Variants in ECI2 observed in about 807,000 individuals in gnomAD.
The protein encoded by ECI2 is D3,D2-enoyl-CoA isomerase.
A neutral mutation model predicts 38.4 loss-of-function variants in ECI2; 27 were observed. The observed-to-expected ratio is 0.70, with a 90% CI of 0.52 to 0.97. The LOEUF (loss-of-function observed/expected upper bound fraction) is 0.97, where lower values mean the gene tolerates loss of function less well. ECI2 is among the 50% of genes least tolerant of loss of function. ECI2 has a pLI of 0.00. For synonymous variants in ECI2, 168 were observed against 172.0 expected, an observed-to-expected ratio of 0.98 and a Z score of 0.18; for missense variants, 470 against 474.4, an observed-to-expected ratio of 0.99 and a Z score of 0.09.
chr6:4,121,693 G>GT (rs3838251), intron 7 of ECI2, among the ~76,000 whole-genome samples: 481 of 139,170 alleles, frequency 3.5e-3, no homozygotes, highest in African/African-American at 4.2e-3. Context: ...GTCATTTTTA[G>GT]TTTTTTTTTT....
chr6:4,134,664 C>T (rs893512613), intron 1 of ECI2, among the ~76,000 whole-genome samples: 1 of 152,156 alleles, frequency 6.6e-6, no homozygotes, highest in African/African-American at 2.4e-5. Flanking sequence ...CTATTAGTAA[C>T]TGATTCAGTA....
chr6:4,124,571 C>T (rs1365411696), intron 7 of ECI2, among the ~76,000 whole-genome samples: 1 of 152,058 alleles, frequency 6.6e-6, no homozygotes, highest in African/African-American at 2.4e-5. Flanking sequence ...ACTGGTTAAA[C>T]AAGATAAGTT....
chr6:4,126,923 G>A (rs920713841), intron 5 of ECI2, among the ~76,000 whole-genome samples: 1 of 152,070 alleles, frequency 6.6e-6, no homozygotes, highest in Admixed American at 6.6e-5. Flanking sequence ...ACAAGATACA[G>A]AACATCTCCA....
At chr6:4,118,959 T>C (rs568136437) in intron 8 of ECI2, 34 of 392,642 alleles carry the variant, frequency 8.7e-5, no homozygotes, top group African/African-American at 6.2e-4. Flanking sequence ...AAGAGGAGGA[T>C]CCCAGTTCTG....
At chr6:4,123,779 C>A (rs893474396) in intron 7 of ECI2, among the ~76,000 whole-genome samples, 3 of 151,616 alleles carry the variant, frequency 2.0e-5, no homozygotes, top group Non-Finnish European at 2.9e-5. Context: ...CCAGCCTGGC[C>A]GACACAGTGA....
In ECI2 at chr6:4,130,571, G is replaced by T. The variant is rs371732625; in HGVS notation, c.313-11C>A. Reference sequence around the variant, plus strand: ...CTGCCTGGCAGCTTCCTGAACGGACGATGACAAACAACCTCAGCCCATGGT... The same window carrying T: ...CTGCCTGGCAGCTTCCTGAACGGACTATGACAAACAACCTCAGCCCATGGT... On this transcript the variant is annotated splice_polypyrimidine_tract_variant and intron_variant, in intron 3 of 9. Coordinates refer to ENST00000380118, the MANE Select transcript of ECI2 (RefSeq NM_206836.3). 1.9e-6 allele frequency: 3 copies of T among 1,614,010 alleles called. No homozygotes were observed. The highest frequency in any genetic ancestry group is 2.2e-5 in the East Asian group (1 of 44,898).
In ECI2 at chr6:4,128,886, G is replaced by A. The variant is rs141873093; in HGVS notation, c.502-1055C>T. 8.1e-4 allele frequency among the ~76,000 whole-genome samples: 124 copies of A among 152,230 alleles called. 1 individual carries two copies. Among genetic ancestry groups the A allele is most frequent in the Middle Eastern group, 3.4e-3 (1 of 294 alleles). The stretch of plus-strand genomic sequence containing the variant: ...GGAGGTCCTGGAACCAATCCCCATC[G>A]GATACCAAGGGATGACTGTACATGA... On this transcript the variant is annotated intron_variant, in intron 4 of 9. Coordinates refer to ENST00000380118, the MANE Select transcript of ECI2 (RefSeq NM_206836.3).
At position 4,117,298 on chromosome 6, in the gene ECI2, G is replaced by A. The variant is rs1020574623; in HGVS notation, c.1029+10C>T. ...TTCAAGGTTCTTAGAAGTAAAAGATGAATACTAACATTTGGGGGAAGCTTT... is the reference window on the plus strand; with the variant it reads ...TTCAAGGTTCTTAGAAGTAAAAGATAAATACTAACATTTGGGGGAAGCTTT... On this transcript the variant is annotated intron_variant, in intron 9 of 9. Transcript: ENST00000380118. 1 of 1,580,922 alleles carries A rather than the reference G, an allele frequency of 6.3e-7. No individual in the cohort carries two copies. Among genetic ancestry groups the A allele is most frequent in the Non-Finnish European group, 8.6e-7 (1 of 1,169,332 alleles).
rs765910773 is a variant in ECI2, at chr6:4,133,699, G to A, written c.63C>T (p.Val21=). Residue 21 remains valine, a synonymous_variant, in exon 2 of 10, where the codon GTC becomes GTT. Transcript: ENST00000380118. ...GCAGCTGAACTACCGGGAAACTAGT[G>A]ACCTGCAGAGAACTACAATTAGGCA... ...ARRSCPSSLQ[V]TSFPVVQLHM... The A allele has an allele frequency of 6.2e-7, 1 of 1,607,608 alleles. No homozygotes were observed. Among genetic ancestry groups the A allele is most frequent in the South Asian group, 1.1e-5 (1 of 89,454 alleles).
chr6:4,135,479 C>A (rs779902741), intron 1 of ECI2, 32 bp downstream of exon 1: 1 of 1,611,464 alleles, frequency 6.2e-7, no homozygotes, highest in Non-Finnish European at 8.5e-7. Flanking sequence ...TGCGGGCGAC[C>A]ATGGGCCGAA....
intron 3 of ECI2, 30 bp from the exon 4 acceptor site, chr6:4,130,590 C>T (rs1347090625): frequency 3.1e-6 from 5 of 1,614,056 alleles, no homozygotes; most frequent in South Asian, 1.1e-5. Context: ...CAACCTCAGC[C>T]CATGGTCAAT....
rs1773471628 is a variant in ECI2 at position 4,130,822 on chromosome 6, T to G, written c.257A>C (p.Asp86Ala). The change falls in exon 3 of 10, where the codon GAC (aspartate) becomes GCC (alanine). Residue 86 changes from aspartate (D) to alanine (A), a missense_variant. Transcript: ENST00000380118. ...PCNMPKPGVF[D>A]LINKAKWDAW... ...GTCCCATTTGGCCTTGTTGATCAAG[T>G]CAAATACACCTGGTTTGGGCATGTT... is the stretch of plus-strand genomic sequence containing the variant. 1 of 1,614,166 alleles carries G rather than the reference T, an allele frequency of 6.2e-7. No individual in the cohort carries two copies. The highest frequency in any genetic ancestry group is 1.3e-5 in the African/African-American group (1 of 75,040).
chr6:4,130,026 A>G (rs777425346), intron 4 of ECI2: 28 of 1,203,522 alleles, frequency 2.3e-5, no homozygotes, highest in Non-Finnish European at 3.3e-5. Context: ...TTCATGTCTA[A>G]GTGACATGAA....
chr6:4,122,424 T>C (rs545545567), intron 7 of ECI2, among the ~76,000 whole-genome samples: 1 of 152,280 alleles, frequency 6.6e-6, no homozygotes, highest in Admixed American at 6.5e-5. Flanking sequence ...CTTCACCATG[T>C]TGGCCAGGCT....
Position 4,122,144 on chromosome 6 carries a change from C to T in ECI2, c.796-2869G>A, listed in dbSNP as rs9503923. 5.8e-3 allele frequency: 3,486 copies of T among 596,438 alleles called. 108 individuals are homozygous for T. In the African/African-American group the frequency reaches 0.06, roughly 10 times the overall value. 36.9% of individuals were successfully genotyped at this position (596,438 alleles called of 1,614,324 possible). A position where few individuals can be genotyped will look rare whatever the true frequency, so the allele number is the denominator to read the frequency against. Reference sequence around the variant, plus strand: ...GGGTTTAGGCTCTGGCGTCAGACTACTTAGGGACGTTGGGAAAGTTTCTTA... The same window carrying T: ...GGGTTTAGGCTCTGGCGTCAGACTATTTAGGGACGTTGGGAAAGTTTCTTA... On this transcript the variant is annotated intron_variant, in intron 7 of 9. Coordinates refer to ENST00000380118, the MANE Select transcript of ECI2 (RefSeq NM_206836.3).
At chr6:4,123,239 C>T (rs753629879) in intron 7 of ECI2, among the ~76,000 whole-genome samples, 5 of 151,754 alleles carry the variant, frequency 3.3e-5, no homozygotes, top group Non-Finnish European at 5.9e-5. Context: ...TGCAGTGGTA[C>T]GATCTCGGCT....
At chr6:4,119,365 G>C (rs1772519548) in intron 7 of ECI2, 90 bp from the exon 8 acceptor site, 3 of 1,036,840 alleles carry the variant, frequency 2.9e-6, no homozygotes, top group Non-Finnish European at 2.8e-6. Flanking sequence ...CTTTTGCCCA[G>C]GCTGCAGTGA....
intron 7 of ECI2, among the ~76,000 whole-genome samples, chr6:4,121,406 T>G (rs1380374818): frequency 6.6e-6 from 1 of 152,230 alleles, no homozygotes; most frequent in African/African-American, 2.4e-5. Context: ...GCTTATCTTT[T>G]CATTTTCTCA....
In ECI2 at chr6:4,133,916, CT is replaced by C. The variant is rs1773609499; in HGVS notation, c.51-206del. The C allele has an allele frequency of 8.3e-6, 4 of 482,230 alleles. No homozygotes were observed. The East Asian group carries it at 1.5e-4, about 18-fold the overall frequency. The allele number at this position is 482,230 out of a possible 1,614,324, so 29.9% of individuals were successfully genotyped here. A position where few individuals can be genotyped will look rare whatever the true frequency, so the allele number is the denominator to read the frequency against. ...TCAATACAGAAGCTAACAGTAGTAA[CT>C]TTAAATAAAAGGAAAAGTAACCATC... On this transcript the variant is annotated intron_variant, in intron 1 of 9. Coordinates refer to ENST00000380118, the MANE Select transcript of ECI2 (RefSeq NM_206836.3).
Sources: allele counts gnomAD v4.1 joint callset (sites outside exome capture counted in the v4.1 genomes callset), GRCh38; gene constraint gnomAD v4.1.1; transcripts MANE v1.5; gene names NCBI Gene and HGNC (gene_info 2026-07-23, HGNC 2026-07-21).